Variants in POLR3E observed in about 807,000 individuals in gnomAD.
The protein encoded by POLR3E is RNA polymerase III subunit E, also known as DNA-directed RNA polymerase III subunit RPC5.
A neutral mutation model predicts 96.6 loss-of-function variants in POLR3E; 41 were observed. The observed-to-expected ratio is 0.42, with a 90% CI of 0.33 to 0.55. The LOEUF is 0.55. Among genes scored for constraint, POLR3E ranks in the 20% least tolerant of loss-of-function variants. The probability of loss-of-function intolerance (pLI) is 0.06; values close to 1 mark genes in which losing one functional copy is unlikely to be tolerated. For missense variants in POLR3E, 849 were observed against 952.1 expected (o/e 0.89, Z 1.43); for synonymous variants, 396 against 383.6 (o/e 1.03, Z -0.38).
intron 6 of POLR3E, among the ~76,000 whole-genome samples, chr16:22,312,738 A>G (rs1228497477): frequency 6.6e-6 from 1 of 151,356 alleles, no homozygotes; most frequent in Non-Finnish European, 1.5e-5. Flanking sequence ...TTGGTGGCAC[A>G]CACCTGTAGT....
intron 9 of POLR3E, among the ~76,000 whole-genome samples, chr16:22,315,566 T>C (rs2048337573): frequency 6.6e-6 from 1 of 152,238 alleles, no homozygotes. Context: ...GGGTCGGTCA[T>C]GTGTTGCCAC....
chr16:22,323,341 C>T (rs1447041448), intron 14 of POLR3E, among the ~76,000 whole-genome samples: 1 of 152,144 alleles, frequency 6.6e-6, no homozygotes, highest in African/African-American at 2.4e-5. Flanking sequence ...CAGTTCACCA[C>T]AGTCCCAGGT....
chr16:22,298,366 C>G (rs912354639), intron 1 of POLR3E, among the ~76,000 whole-genome samples: 2 of 152,182 alleles, frequency 1.3e-5, no homozygotes, highest in East Asian at 3.8e-4. Context: ...TACCCGCTTA[C>G]GTTGGCAGAA....
In POLR3E at chr16:22,314,772, C is replaced by T. The variant is rs1012778416; in HGVS notation, c.523-317C>T. Reference sequence around the variant, plus strand: ...TTATTAGGACCTTAGAAACTCCCTTCCGCTCTGGGGAACTTAGAAAAGGCA... The same window carrying T: ...TTATTAGGACCTTAGAAACTCCCTTTCGCTCTGGGGAACTTAGAAAAGGCA... On this transcript the variant is annotated intron_variant, in intron 8 of 20. Transcript: ENST00000299853. 4.1e-5 allele frequency: 9 copies of T among 220,596 alleles called. 1 individual carries two copies. The highest frequency in any genetic ancestry group is 1.1e-4 in the Admixed American group (2 of 18,968). The allele number at this position is 220,596 out of a possible 1,614,324, so 13.7% of individuals were successfully genotyped here.
rs959644586 is a variant in POLR3E at position 22,328,229 on chromosome 16, T to C, written c.1867-281T>C. 80 of 439,378 alleles carry C rather than the reference T, an allele frequency of 1.8e-4. 1 individual carries two copies. The highest frequency in any genetic ancestry group is 1.3e-4 in the South Asian group (5 of 37,168). 27.2% of individuals were successfully genotyped at this position (439,378 alleles called of 1,614,324 possible). ...CGCAGCTTCCCCACTGTACGGAGGA[T>C]ATCTGCAGACTCGAAGCCGGGCATT... On this transcript the variant is annotated intron_variant, in intron 18 of 20. Transcript: ENST00000299853.
At chr16:22,332,967 C>CTTTTTTTTTTTTTTTTTTT (rs1166614906) in intron 20 of POLR3E, among the ~76,000 whole-genome samples, 2 of 73,062 alleles carry the variant, frequency 2.7e-5, no homozygotes, top group Non-Finnish European at 2.4e-5. Context: ...CGTAGACCCC[C>CTTTTTTTTTTTTTTTTTTT]TTTTTTTTTT....
intron 1 of POLR3E, among the ~76,000 whole-genome samples, chr16:22,299,820 C>G (rs1277993833): frequency 6.6e-6 from 1 of 152,112 alleles, no homozygotes; most frequent in African/African-American, 2.4e-5. Context: ...TCAACCAATC[C>G]TGCTGCCTCA....
chr16:22,325,196 T>A lies in POLR3E; in HGVS notation c.1287-9T>A, dbSNP rs1171327200. 6.2e-7 allele frequency: 1 copy of A among 1,609,518 alleles called. No homozygotes were observed. Among genetic ancestry groups the A allele is most frequent in the Non-Finnish European group, 8.5e-7 (1 of 1,175,942 alleles). On this transcript the variant is annotated splice_polypyrimidine_tract_variant and intron_variant, in intron 16 of 20. Coordinates refer to ENST00000299853, the MANE Select transcript of POLR3E (RefSeq NM_018119.4). ...GGTTTAAAGTTAATGGGGTTACTCT[T>A]CTTTTCAGACTGGAAAAAGTCTATA...
rs868097435 is a variant in POLR3E, at chr16:22,322,347, C to G, written c.987-503C>G. On this transcript the variant is annotated intron_variant, in intron 13 of 20. Transcript: ENST00000299853. The surrounding 1 kb of genome is among the most constrained non-coding windows in gnomAD (Gnocchi z 5.2). ...GGCCCCGGCCTTTCCTCTGAAGTTCCCTGAACCTTGAGTGCTGAGCCTGTT... is the reference window on the plus strand; with the variant it reads ...GGCCCCGGCCTTTCCTCTGAAGTTCGCTGAACCTTGAGTGCTGAGCCTGTT... Among the ~76,000 whole-genome samples the G allele has an allele frequency of 2.0e-5, 3 of 152,180 alleles. No individual in the cohort carries two copies. The highest frequency in any genetic ancestry group is 6.5e-5 in the Admixed American group (1 of 15,286).
intron 13 of POLR3E, among the ~76,000 whole-genome samples, chr16:22,319,912 G>A (rs1466158791): frequency 6.6e-6 from 1 of 151,900 alleles, no homozygotes; most frequent in Admixed American, 6.5e-5. Flanking sequence ...TAGTCACCCT[G>A]TAGTACCCTT....
chr16:22,298,320 C>T (rs1179887763), intron 1 of POLR3E, among the ~76,000 whole-genome samples: 1 of 152,202 alleles, frequency 6.6e-6, no homozygotes, highest in African/African-American at 2.4e-5. Flanking sequence ...GGGTGACGCT[C>T]CTGCTTGCAG....
intron 5 of POLR3E, 76 bp downstream of exon 5, chr16:22,309,116 A>C (rs1598244893): frequency 9.6e-7 from 1 of 1,037,482 alleles, no homozygotes; most frequent in Non-Finnish European, 1.5e-6. Context: ...AAAGACATTG[A>C]CCCCCTTTGC....
chr16:22,309,099 A>T (rs1324894083), intron 5 of POLR3E, 59 bp downstream of exon 5: 2 of 1,190,434 alleles, frequency 1.7e-6, no homozygotes, highest in Non-Finnish European at 2.5e-6. Context: ...AGCCTCCAAA[A>T]GACCTTAAAG....
At position 22,316,547 on chromosome 16, in the gene POLR3E, C is replaced by G. The variant is rs530184462; in HGVS notation, c.643-54C>G. 6.9e-6 allele frequency: 10 copies of G among 1,440,082 alleles called. No individual in the cohort carries two copies. In the East Asian group the frequency reaches 2.3e-4, roughly 33 times the overall value. The allele number at this position is 1,440,082 out of a possible 1,614,324, so 89.2% of individuals were successfully genotyped here. A position where few individuals can be genotyped will look rare whatever the true frequency, so the allele number is the denominator to read the frequency against. On this transcript the variant is annotated intron_variant, in intron 9 of 20. Transcript: ENST00000299853. ...GACGGGAGGCCTTGGGGGAGGGGGC[C>G]CAGGCCAGGGCCATCAGCTGAGGCT...
intron 13 of POLR3E, among the ~76,000 whole-genome samples, chr16:22,321,393 T>G (rs1210932863): frequency 6.6e-6 from 1 of 152,220 alleles, no homozygotes; most frequent in Non-Finnish European, 1.5e-5. Flanking sequence ...AGTATATTCG[T>G]GTTACTGCCA....
rs1026506180 is a variant in POLR3E at position 22,315,197 on chromosome 16, T to A, written c.631T>A (p.Tyr211Asn). The A allele has an allele frequency of 3.8e-6, 6 of 1,594,076 alleles. No individual in the cohort carries two copies. In the African/African-American group the frequency reaches 6.7e-5, roughly 18 times the overall value. The change falls in exon 9 of 21, where the codon TAT becomes AAT. Residue 211 changes from tyrosine (Y) to asparagine (N), a missense_variant. Transcript: ENST00000299853. ...GGAGCCCTGGGTCCACCTGCATTACTATGGCCTGAGGGTGAGCGGGGCTTC... is the reference window on the plus strand; with the variant it reads ...GGAGCCCTGGGTCCACCTGCATTACAATGGCCTGAGGGTGAGCGGGGCTTC... The part of the protein sequence containing the change: ...AEEPWVHLHY[Y>N]GLRDSRSEHE...
At chr16:22,298,345 C>A (rs1287044056) in intron 1 of POLR3E, among the ~76,000 whole-genome samples, 1 of 152,218 alleles carries the variant, frequency 6.6e-6, no homozygotes, top group Non-Finnish European at 1.5e-5. Flanking sequence ...TGACTTGTGG[C>A]TTAGCGTCAT....
chr16:22,330,129 A>AGTG (rs1431647241), intron 19 of POLR3E, among the ~76,000 whole-genome samples: 1 of 151,310 alleles, frequency 6.6e-6, no homozygotes, highest in East Asian at 1.9e-4. Flanking sequence ...CCTGGAGTGC[A>AGTG]GTGGTGCCAT....
chr16:22,305,771 A>G (rs1211307621), intron 3 of POLR3E, among the ~76,000 whole-genome samples: 2 of 152,188 alleles, frequency 1.3e-5, no homozygotes, highest in Non-Finnish European at 2.9e-5. Context: ...CTGGGCCAGC[A>G]GCTTGTCATT....
Sources: allele counts gnomAD v4.1 joint callset (sites outside exome capture counted in the v4.1 genomes callset), GRCh38; gene constraint gnomAD v4.1.1; non-coding constraint Gnocchi (gnomAD v3.1); transcripts MANE v1.5; gene names NCBI Gene and HGNC (gene_info 2026-07-23, HGNC 2026-07-21).